Variants in M1AP observed in about 807,000 individuals in gnomAD.
M1AP encodes meiosis 1 associated protein.
Under a neutral mutation model 51.2 loss-of-function variants are expected in M1AP, and 39 were observed. The observed-to-expected ratio is 0.76, with a 90% CI of 0.59 to 1.00. The LOEUF is 1.00. Ranked by LOEUF, M1AP falls within the 50% of genes least tolerant of loss-of-function variation. The pLI is 0.00. For missense variants in M1AP, 545 were observed against 641.2 expected, an observed-to-expected ratio of 0.85 and a Z score of 1.62; for synonymous variants, 251 against 249.2, an observed-to-expected ratio of 1.01 and a Z score of -0.07.
At chr2:74,567,725 A>T (rs1249812765) in intron 7 of M1AP, among the ~76,000 whole-genome samples, 1 of 152,248 alleles carries the variant, frequency 6.6e-6, no homozygotes, top group Non-Finnish European at 1.5e-5. Context: ...TCTTAGATAT[A>T]GATCTATAAA....
chr2:74,640,127 GAGA>G lies in M1AP; in HGVS notation c.146_148del (p.Phe49del), dbSNP rs768421220. 4.9e-5 allele frequency: 79 copies of G among 1,614,078 alleles called. No individual in the cohort carries two copies. The highest frequency in any genetic ancestry group is 4.0e-4 in the South Asian group (36 of 91,090). On this transcript the variant is annotated inframe_deletion, in exon 2 of 11. Coordinates refer to ENST00000421985, the MANE Select transcript of M1AP (RefSeq NM_001321739.2). ...GGGGCCCATCAAGCTGCAGGCTAGAGAGAAGAAGTTCTGCAGAGCCTCACAGAG... is the reference window on the plus strand; with the variant it reads ...GGGGCCCATCAAGCTGCAGGCTAGAGAGAAGTTCTGCAGAGCCTCACAGAG...
Position 74,648,178 on chromosome 2 carries a change from G to C in M1AP, c.-53+87C>G. Reference sequence around the variant, plus strand: ...CCAACACCTGCCTGAGGACTGGCCCGAGCTCGGCCCACGCCCAGCCCAGCC... The same window carrying C: ...CCAACACCTGCCTGAGGACTGGCCCCAGCTCGGCCCACGCCCAGCCCAGCC... On this transcript the variant is annotated intron_variant, in intron 1 of 10. Coordinates refer to ENST00000421985, the MANE Select transcript of M1AP (RefSeq NM_001321739.2). 4.2e-6 allele frequency: 4 copies of C among 957,812 alleles called. 1 individual carries two copies. In the South Asian group the frequency reaches 1.9e-4, roughly 46 times the overall value. 59.3% of individuals were successfully genotyped at this position (957,812 alleles called of 1,614,324 possible).
intron 2 of M1AP, 131 bp from the exon 3 acceptor site, chr2:74,615,280 T>C: frequency 1.3e-6 from 1 of 777,414 alleles, no homozygotes; most frequent in South Asian, 1.8e-5. Flanking sequence ...GACCAACATC[T>C]ACTGAATTCC....
chr2:74,600,108 G>C (rs937174160), intron 4 of M1AP, among the ~76,000 whole-genome samples: 1 of 152,132 alleles, frequency 6.6e-6, no homozygotes, highest in African/African-American at 2.4e-5. Context: ...AAGCAGTATA[G>C]AGAAGAGTTA....
At chr2:74,602,416 TA>T (rs1680728565) in intron 4 of M1AP, among the ~76,000 whole-genome samples, 1 of 152,198 alleles carries the variant, frequency 6.6e-6, no homozygotes, top group Non-Finnish European at 1.5e-5. Context: ...TCAAAAATAT[TA>T]ATAATAAGTA....
At position 74,598,578 on chromosome 2, in the gene M1AP, T is replaced by C. The variant is rs1269807066; in HGVS notation, c.595+8477A>G. 2.6e-5 allele frequency among the ~76,000 whole-genome samples: 4 copies of C among 151,710 alleles called. No individual in the cohort carries two copies. The East Asian group carries it at 7.7e-4, about 29-fold the overall frequency. ...ACCATTCATTTTCAAAAATGTATGA[T>C]ATTCCACCAAACATTCCTTGTAATA... On this transcript the variant is annotated intron_variant, in intron 4 of 10. Coordinates refer to ENST00000421985, the MANE Select transcript of M1AP (RefSeq NM_001321739.2).
chr2:74,579,038 CCAGTGAAG>C (rs1179912872), intron 5 of M1AP, among the ~76,000 whole-genome samples: 1 of 152,178 alleles, frequency 6.6e-6, no homozygotes, highest in South Asian at 2.1e-4. Context: ...CATCTGGATT[CCAGTGAAG>C]ACCTCCCCAG....
At chr2:74,637,230 A>G (rs1444466917) in intron 2 of M1AP, among the ~76,000 whole-genome samples, 1 of 152,202 alleles carries the variant, frequency 6.6e-6, no homozygotes, top group Non-Finnish European at 1.5e-5. Flanking sequence ...TAATCTGCCA[A>G]TAATTCCATC....
At chr2:74,633,965 T>C (rs1682835965) in intron 2 of M1AP, among the ~76,000 whole-genome samples, 1 of 152,176 alleles carries the variant, frequency 6.6e-6, no homozygotes, top group South Asian at 2.1e-4. Flanking sequence ...TTGACTGACT[T>C]AACAGCTCCT....
At position 74,589,075 on chromosome 2, in the gene M1AP, C is replaced by T. The variant is rs557962464; in HGVS notation, c.596-7228G>A. Among the ~76,000 whole-genome samples, 66 of 152,276 alleles carry T rather than the reference C, an allele frequency of 4.3e-4. 1 individual carries two copies. Among genetic ancestry groups the T allele is most frequent in the African/African-American group, 1.4e-3 (59 of 41,552 alleles). ...GGGCGTGTGTGTGTGCACGCGCGCG[C>T]GTGCATGCATGTGAAGTTTTAGCTT... On this transcript the variant is annotated intron_variant, in intron 4 of 10. Transcript: ENST00000421985.
intron 7 of M1AP, among the ~76,000 whole-genome samples, chr2:74,564,593 T>G (rs1404663102): frequency 6.6e-6 from 1 of 152,234 alleles, no homozygotes; most frequent in Non-Finnish European, 1.5e-5. Context: ...TTTCTTAGCA[T>G]TTTGCTTCTA....
At chr2:74,648,205 G>C (rs1035722990) in intron 1 of M1AP, 60 bp downstream of exon 1, 1 of 959,994 alleles carries the variant, frequency 1.0e-6, no homozygotes, top group African/African-American at 1.8e-5. Context: ...AGCCCAGCCT[G>C]CGAAGTGGTG....
In M1AP at chr2:74,644,630, G is replaced by A. The variant is rs114039211; in HGVS notation, c.-53+3635C>T. Among the ~76,000 whole-genome samples the A allele has an allele frequency of 4.1e-3, 619 of 151,878 alleles. 1 individual carries two copies. The highest frequency in any genetic ancestry group is 0.014 in the African/African-American group (587 of 41,426). ...AAACTTCCCTTTTTGGATAGTGGAA[G>A]TCAGCATTTGTTCATTCAACATTTT... On this transcript the variant is annotated intron_variant, in intron 1 of 10. Coordinates refer to ENST00000421985, the MANE Select transcript of M1AP (RefSeq NM_001321739.2).
intron 8 of M1AP, 147 bp from the exon 9 acceptor site, chr2:74,560,438 TG>T (rs1354465864): frequency 7.5e-6 from 6 of 799,360 alleles, no homozygotes. Context: ...GCTGTCCCCC[TG>T]GGTGTTCTGG....
chr2:74,639,093 C>A (rs186541298), intron 2 of M1AP, among the ~76,000 whole-genome samples: 1 of 152,070 alleles, frequency 6.6e-6, no homozygotes, highest in South Asian at 2.1e-4. Flanking sequence ...TTGTTATAAG[C>A]CTAAGGTTCT....
chr2:74,646,481 G>C (rs1683620782), intron 1 of M1AP, among the ~76,000 whole-genome samples: 1 of 152,108 alleles, frequency 6.6e-6, no homozygotes, highest in South Asian at 2.1e-4. Flanking sequence ...AAAGGATGAA[G>C]ACATCCTACA....
At chr2:74,628,484 C>A (rs146851337) in intron 2 of M1AP, 1 of 441,828 alleles carries the variant, frequency 2.3e-6, no homozygotes, top group East Asian at 5.3e-5. Flanking sequence ...CCACTGCTAA[C>A]CAGTTTACTC....
intron 3 of M1AP, among the ~76,000 whole-genome samples, chr2:74,611,884 T>TTG (rs1471730782): frequency 8.1e-5 from 5 of 61,668 alleles, no homozygotes; most frequent in African/African-American, 3.0e-4. Context: ...AAAAAAGTGT[T>TTG]TTTTTTTTTT....
chr2:74,580,492 T>C lies in M1AP; in HGVS notation c.769+1182A>G, dbSNP rs533917391. On this transcript the variant is annotated intron_variant, in intron 5 of 10. Coordinates refer to ENST00000421985, the MANE Select transcript of M1AP (RefSeq NM_001321739.2). ...AGACATTCTGGGCACTAGGTTGAAATGGGGGAGAGAGGAAGAGACTTGACG... is the reference window on the plus strand; with the variant it reads ...AGACATTCTGGGCACTAGGTTGAAACGGGGGAGAGAGGAAGAGACTTGACG... Among the ~76,000 whole-genome samples, 26 of 152,180 alleles carry C rather than the reference T, an allele frequency of 1.7e-4. No homozygotes were observed. In the South Asian group the frequency reaches 5.2e-3, roughly 30 times the overall value.
Sources: allele counts gnomAD v4.1 joint callset (sites outside exome capture counted in the v4.1 genomes callset), GRCh38; gene constraint gnomAD v4.1.1; transcripts MANE v1.5; gene names NCBI Gene and HGNC (gene_info 2026-07-23, HGNC 2026-07-21).